The following LINGO2 variants were observed in gnomAD, a reference collection of about 807,000 sequenced individuals.
The protein encoded by LINGO2 is leucine rich repeat and Ig domain containing 2.
Under a neutral mutation model 30.6 loss-of-function variants are expected in LINGO2, and 14 were observed. That is an observed-to-expected ratio of 0.46 (90% CI 0.30 to 0.72). The LOEUF is 0.72. Among genes scored for constraint, LINGO2 ranks in the 30% least tolerant of loss-of-function variants. The pLI is 0.07. For missense variants in LINGO2, 729 were observed against 751.7 expected, an observed-to-expected ratio of 0.97 and a Z score of 0.35; for synonymous variants, 317 against 288.5, an observed-to-expected ratio of 1.10 and a Z score of -1.00.
chr9:28,517,469 A>G (rs1820666155), intron 1 of LINGO2, among the ~76,000 whole-genome samples: 2 of 152,348 alleles, frequency 1.3e-5, no homozygotes, highest in Middle Eastern at 3.4e-3. Context: ...TAAGTGCTAA[A>G]TTAAAAGAAT....
chr9:28,229,993 C>G (rs958198051), intron 4 of LINGO2, among the ~76,000 whole-genome samples: 8 of 151,658 alleles, frequency 5.3e-5, no homozygotes, highest in African/African-American at 1.9e-4. Context: ...AAAGTTTCAA[C>G]AAACAAACAA....
the LINGO2 span, among the ~76,000 whole-genome samples, chr9:28,923,781 G>A: frequency 6.6e-6 from 1 of 152,268 alleles, no homozygotes; most frequent in Admixed American, 6.5e-5. Context: ...TGGAACCAAA[G>A]ATGCCCTCAG....
the LINGO2 span, among the ~76,000 whole-genome samples, chr9:29,106,546 C>T: frequency 6.6e-6 from 1 of 152,046 alleles, no homozygotes. Flanking sequence ...TTTCATTCTA[C>T]CCTTGATTTC....
chr9:28,661,953 T>C (rs575831832), intron 1 of LINGO2, among the ~76,000 whole-genome samples: 1 of 152,236 alleles, frequency 6.6e-6, no homozygotes, highest in African/African-American at 2.4e-5. Flanking sequence ...ATATTTTCCA[T>C]GAACAAGCAG....
intron 4 of LINGO2, among the ~76,000 whole-genome samples, chr9:28,053,794 T>TTTC (rs751640236): frequency 1.3e-5 from 2 of 152,216 alleles, no homozygotes; most frequent in Non-Finnish European, 2.9e-5. Context: ...CCCAATGTAT[T>TTTC]TTCTATTCTC....
chr9:28,321,776 T>A (rs1825051824), intron 3 of LINGO2, among the ~76,000 whole-genome samples: 1 of 152,220 alleles, frequency 6.6e-6, no homozygotes, highest in East Asian at 1.9e-4. Context: ...ATATTTTAGG[T>A]CATGTCCTGG....
chr9:28,791,397 A>G, the LINGO2 span, among the ~76,000 whole-genome samples: 2 of 152,074 alleles, frequency 1.3e-5, no homozygotes, highest in African/African-American at 2.4e-5. Context: ...ATAATAAACC[A>G]CAGTAATGTA....
the LINGO2 span, among the ~76,000 whole-genome samples, chr9:28,740,748 T>C: frequency 6.6e-6 from 1 of 152,068 alleles, no homozygotes. Context: ...TGAGGGATGA[T>C]TCAATTGAGC....
chr9:28,290,526 C>A (rs1161830010), intron 4 of LINGO2, among the ~76,000 whole-genome samples: 3 of 152,150 alleles, frequency 2.0e-5, no homozygotes, highest in African/African-American at 7.2e-5. Context: ...ACAATATCGC[C>A]AAGGAAGAAG....
In LINGO2 at chr9:28,148,543, C is replaced by T; in HGVS notation, c.-86-136138G>A. 1.3e-6 allele frequency: 2 copies of T among 1,486,232 alleles called. No individual in the cohort carries two copies. Among genetic ancestry groups the T allele is most frequent in the Non-Finnish European group, 1.8e-6 (2 of 1,102,982 alleles). 92.1% of individuals were successfully genotyped at this position (1,486,232 alleles called of 1,614,324 possible). ...CCTGTAGCAATGGGGAAGCAGCTTCCACCTCTAGGCCCCTGGAGACTCAGG... is the reference window on the plus strand; with the variant it reads ...CCTGTAGCAATGGGGAAGCAGCTTCTACCTCTAGGCCCCTGGAGACTCAGG... On this transcript the variant is annotated intron_variant, in intron 4 of 5. Transcript: ENST00000379992. The surrounding 1 kb of genome is among the most constrained non-coding windows in gnomAD (Gnocchi z 5.1).
At chr9:28,943,009 TGACA>T in the LINGO2 span, among the ~76,000 whole-genome samples, 1 of 152,200 alleles carries the variant, frequency 6.6e-6, no homozygotes, top group African/African-American at 2.4e-5. Context: ...ATTAAAGCAG[TGACA>T]GACAGAATGA....
At chr9:28,869,175 GA>G in the LINGO2 span, among the ~76,000 whole-genome samples, 1 of 151,970 alleles carries the variant, frequency 6.6e-6, no homozygotes, top group Non-Finnish European at 1.5e-5. Flanking sequence ...TACTATGAGG[GA>G]AAAACTAGGC....
At chr9:29,126,572 C>G in the LINGO2 span, among the ~76,000 whole-genome samples, 6 of 151,974 alleles carry the variant, frequency 3.9e-5, no homozygotes, top group Non-Finnish European at 2.9e-5. Context: ...CAAGTAGTAT[C>G]TTATGTGCTA....
At chr9:28,439,875 A>G (rs7040274) in intron 2 of LINGO2, among the ~76,000 whole-genome samples, 108,097 of 152,122 alleles carry the variant, frequency 0.71, 38,674 homozygotes, top group East Asian at 0.84. Flanking sequence ...TATGATTCAC[A>G]TTGCCATCAC....
chr9:28,081,829 G>GT (rs5897269), intron 4 of LINGO2, among the ~76,000 whole-genome samples: 1 of 151,902 alleles, frequency 6.6e-6, no homozygotes, highest in African/African-American at 2.4e-5. Context: ...GTTAGCAATT[G>GT]TTTTTTTTTC....
chr9:28,965,783 G>A, the LINGO2 span, among the ~76,000 whole-genome samples: 1 of 151,986 alleles, frequency 6.6e-6, no homozygotes, highest in Non-Finnish European at 1.5e-5. Context: ...GATCTCCACT[G>A]ATCAAACACA....
At chr9:28,945,251 G>A in the LINGO2 span, among the ~76,000 whole-genome samples, 2 of 152,096 alleles carry the variant, frequency 1.3e-5, no homozygotes, top group Admixed American at 6.6e-5. Flanking sequence ...GAACTAGAAT[G>A]AGGATTTGAT....
At chr9:28,422,000 C>T (rs568901634) in intron 2 of LINGO2, among the ~76,000 whole-genome samples, 2 of 152,100 alleles carry the variant, frequency 1.3e-5, no homozygotes, top group Admixed American at 1.3e-4. Context: ...ACCATATATA[C>T]ATATTAATTC....
the LINGO2 span, among the ~76,000 whole-genome samples, chr9:28,987,343 T>C: frequency 2.6e-5 from 4 of 152,060 alleles, no homozygotes; most frequent in Admixed American, 6.6e-5. Flanking sequence ...CAATTATTCA[T>C]AGTAGTCTCT....
Sources: allele counts gnomAD v4.1 joint callset (sites outside exome capture counted in the v4.1 genomes callset), GRCh38; gene constraint gnomAD v4.1.1; non-coding constraint Gnocchi (gnomAD v3.1); transcripts MANE v1.5; gene names NCBI Gene and HGNC (gene_info 2026-07-23, HGNC 2026-07-21).